Variants in DYNC2H1 observed in about 807,000 individuals in gnomAD.
DYNC2H1 encodes cytoplasmic dynein 2 heavy chain 1.
DYNC2H1 carries 410 observed loss-of-function variants against 570.0 expected under a neutral mutation model. That is an observed-to-expected ratio of 0.72 (90% CI 0.66 to 0.78). The LOEUF (loss-of-function observed/expected upper bound fraction) is 0.78. Among genes scored for constraint, DYNC2H1 ranks in the 30% least tolerant of loss-of-function variants. The pLI, the probability that DYNC2H1 is intolerant of heterozygous loss-of-function variation, is 0.00. For synonymous variants in DYNC2H1, 1,688 were observed against 1,677.6 expected, an observed-to-expected ratio of 1.01 and a Z score of -0.15; for missense variants, 4,865 against 5,046.4, an observed-to-expected ratio of 0.96 and a Z score of 1.09.
intron 83 of DYNC2H1, among the ~76,000 whole-genome samples, chr11:103,385,955 G>C (rs140287838): frequency 1.6e-3 from 239 of 152,254 alleles, no homozygotes; most frequent in Middle Eastern, 6.8e-3. Flanking sequence ...CAAGAAGGTA[G>C]GGGCAACACA....
chr11:103,460,017 A>G (rs949570735), intron 87 of DYNC2H1, among the ~76,000 whole-genome samples: 1 of 150,352 alleles, frequency 6.7e-6, no homozygotes, highest in African/African-American at 2.4e-5. Flanking sequence ...CTTTCATTTA[A>G]TTTTGTCGTT....
chr11:103,367,922 G>A (rs887512532), intron 83 of DYNC2H1, among the ~76,000 whole-genome samples: 9 of 152,030 alleles, frequency 5.9e-5, no homozygotes, highest in African/African-American at 2.2e-4. Flanking sequence ...AGGTTCCTCC[G>A]TGTTGTCACA....
At chr11:103,292,936 G>A (rs1269413609) in intron 75 of DYNC2H1, among the ~76,000 whole-genome samples, 2 of 152,116 alleles carry the variant, frequency 1.3e-5, no homozygotes, top group African/African-American at 2.4e-5. Context: ...TCTTTATAGC[G>A]ACACAGGAAT....
rs1865062791 is a variant in DYNC2H1 at position 103,256,510 on chromosome 11, T to C, written c.10461+270T>C. Among the ~76,000 whole-genome samples, 2 of 152,214 alleles carry C rather than the reference T, an allele frequency of 1.3e-5. No individual in the cohort carries two copies. The highest frequency in any genetic ancestry group is 1.3e-4 in the Admixed American group (2 of 15,276). On this transcript the variant is annotated intron_variant, in intron 68 of 88. Transcript: ENST00000375735. This position sits in a 1 kb window ranked among gnomAD's most constrained non-coding sequence, Gnocchi z 4.0. ...GTTATCTAAGGTAGAGCTGCAGTTT[T>C]GTACTAAAATTGGAAATGAGTATAT...
At chr11:103,420,025 G>A (rs1385517161) in intron 84 of DYNC2H1, among the ~76,000 whole-genome samples, 1 of 151,920 alleles carries the variant, frequency 6.6e-6, no homozygotes, top group Non-Finnish European at 1.5e-5. Context: ...CCAAGCAGAG[G>A]AAAGAATCTC....
intron 13 of DYNC2H1, among the ~76,000 whole-genome samples, chr11:103,131,881 G>C (rs1404909352): frequency 6.6e-6 from 1 of 152,084 alleles, no homozygotes; most frequent in Non-Finnish European, 1.5e-5. Flanking sequence ...TTAGTTTTCA[G>C]AAGTTTAATT....
rs551485317 is a variant in DYNC2H1 at position 103,353,867 on chromosome 11, C to T, written c.12040-4376C>T. 3.3e-5 allele frequency among the ~76,000 whole-genome samples: 5 copies of T among 151,938 alleles called. No individual in the cohort carries two copies. The South Asian group carries it at 8.3e-4, about 25-fold the overall frequency. On this transcript the variant is annotated intron_variant, in intron 82 of 88. Transcript: ENST00000375735. ...CTGAAATTATTGATTTATTTGGATT[C>T]ATTAATATCATTTTTTAAAAATCTC...
chr11:103,155,451 G>A lies in DYNC2H1; in HGVS notation c.3694G>A (p.Asp1232Asn), dbSNP rs768028598. 1.2e-6 allele frequency: 2 copies of A among 1,612,252 alleles called. No individual in the cohort carries two copies. Among genetic ancestry groups the A allele is most frequent in the Non-Finnish European group, 1.7e-6 (2 of 1,178,994 alleles). Reference sequence around the variant, plus strand: ...TAGTCTAGAGAAACTACTGTTTGGTGATTTGCTCAGAGTAGCTGATACAAT... The same window carrying A: ...TAGTCTAGAGAAACTACTGTTTGGTAATTTGCTCAGAGTAGCTGATACAAT... Reference protein sequence around the residue: ...GTSLEKLLFGDLLRVADTIVA... With the variant: ...GTSLEKLLFGNLLRVADTIVA... Residue 1232 changes from aspartate to asparagine, a missense_variant, in exon 25 of 89, where the codon GAT becomes AAT. Asp to Asn is a conservative substitution (Grantham distance 23). Around this residue, in one of 5 missense-constraint regions of DYNC2H1, gnomAD observed 1,936 missense variants for 1,962.1 expected, o/e 0.99. Coordinates refer to ENST00000375735, the MANE Select transcript of DYNC2H1 (RefSeq NM_001377.3).
rs778106079 is a variant in DYNC2H1 at position 103,358,407 on chromosome 11, C to T, written c.12156+48C>T. The T allele has an allele frequency of 1.4e-5, 18 of 1,266,840 alleles. No individual in the cohort carries two copies. In the East Asian group the frequency reaches 1.5e-4, roughly 11 times the overall value. The allele number at this position is 1,266,840 out of a possible 1,614,324, so 78.5% of individuals were successfully genotyped here. A position where few individuals can be genotyped will look rare whatever the true frequency, so the allele number is the denominator to read the frequency against. On this transcript the variant is annotated intron_variant, in intron 83 of 88. Coordinates refer to ENST00000375735, the MANE Select transcript of DYNC2H1 (RefSeq NM_001377.3). ...GATTCTTTTGCTTTTTCTCCCGCATCGTAACCATGTGCTCCCCATTTCTGC... is the reference window on the plus strand; with the variant it reads ...GATTCTTTTGCTTTTTCTCCCGCATTGTAACCATGTGCTCCCCATTTCTGC...
chr11:103,116,267 A>G (rs1346147970), intron 4 of DYNC2H1, among the ~76,000 whole-genome samples: 1 of 152,188 alleles, frequency 6.6e-6, no homozygotes, highest in Non-Finnish European at 1.5e-5. Flanking sequence ...TGTGGAGTTG[A>G]GATAACCTTT....
chr11:103,146,419 A>G (rs1860242751), intron 18 of DYNC2H1, among the ~76,000 whole-genome samples: 2 of 152,304 alleles, frequency 1.3e-5, no homozygotes, highest in East Asian at 1.9e-4. Context: ...GTTGGGGTAC[A>G]ATGGAAATAA....
At chr11:103,387,145 C>T (rs1201702992) in intron 83 of DYNC2H1, among the ~76,000 whole-genome samples, 1 of 152,166 alleles carries the variant, frequency 6.6e-6, no homozygotes, top group Non-Finnish European at 1.5e-5. Flanking sequence ...TATTTCTCCA[C>T]ATCCTCTCCA....
intron 34 of DYNC2H1, 38 bp from the exon 35 acceptor site, chr11:103,173,044 T>G (rs1286107008): frequency 4.0e-5 from 42 of 1,041,088 alleles, no homozygotes; most frequent in Non-Finnish European, 5.1e-5. Flanking sequence ...TAACTTAATA[T>G]TTAATATTTA....
intron 82 of DYNC2H1, among the ~76,000 whole-genome samples, chr11:103,338,591 T>C (rs1939280209): frequency 6.6e-6 from 1 of 152,230 alleles, no homozygotes; most frequent in Non-Finnish European, 1.5e-5. Flanking sequence ...TTCTGCCTGA[T>C]CAGTTCTGCT....
chr11:103,343,141 T>C (rs1939555697), intron 82 of DYNC2H1, among the ~76,000 whole-genome samples: 2 of 152,142 alleles, frequency 1.3e-5, no homozygotes, highest in Admixed American at 1.3e-4. Flanking sequence ...TTGCTGTTCT[T>C]CCGGGCTGAG....
Position 103,117,863 on chromosome 11 carries a change from G to A in DYNC2H1, c.999G>A (p.Glu333=), listed in dbSNP as rs1565312551. Reference sequence around the variant, plus strand: ...ACAAACTTGGCAAACGCCTTGAAGAGGTATCAATTTGATTATCTAGATCTT... The same window carrying A: ...ACAAACTTGGCAAACGCCTTGAAGAAGTATCAATTTGATTATCTAGATCTT... ...TLDKLGKRLE[E]VLAIRTIHEK... The change falls in exon 6 of 89, where the codon GAG becomes GAA. Residue 333 remains glutamate, a splice_region_variant and synonymous_variant. Transcript: ENST00000375735. The A allele has an allele frequency of 6.2e-7, 1 of 1,606,094 alleles. No homozygotes were observed. The highest frequency in any genetic ancestry group is 1.1e-5 in the South Asian group (1 of 89,990).
intron 73 of DYNC2H1, among the ~76,000 whole-genome samples, chr11:103,284,575 TA>T (rs886981931): frequency 6.6e-6 from 1 of 152,208 alleles, no homozygotes; most frequent in Non-Finnish European, 1.5e-5. Flanking sequence ...CCTTGTATAC[TA>T]AATGTCAATA....
At chr11:103,427,909 C>A (rs1446732650) in intron 84 of DYNC2H1, among the ~76,000 whole-genome samples, 1 of 151,634 alleles carries the variant, frequency 6.6e-6, no homozygotes, top group Admixed American at 6.6e-5. Context: ...TAGAATTTAT[C>A]ATTCTCCACT....
rs1007102162 is a variant in DYNC2H1 at position 103,166,067 on chromosome 11, C to T, written c.4762+19C>T. 2.0e-6 allele frequency: 3 copies of T among 1,475,698 alleles called. No homozygotes were observed. The highest frequency in any genetic ancestry group is 2.8e-5 in the African/African-American group (2 of 70,262). 91.4% of individuals were successfully genotyped at this position (1,475,698 alleles called of 1,614,324 possible). A position where few individuals can be genotyped will look rare whatever the true frequency, so the allele number is the denominator to read the frequency against. The stretch of plus-strand genomic sequence containing the variant: ...AATACTGGTATGGAAAAGACATTCC[C>T]TTTTCTGCCTGGTTTTGGGTTATTT... On this transcript the variant is annotated intron_variant, in intron 31 of 88. Coordinates refer to ENST00000375735, the MANE Select transcript of DYNC2H1 (RefSeq NM_001377.3).
Sources: allele counts gnomAD v4.1 joint callset (sites outside exome capture counted in the v4.1 genomes callset), GRCh38; gene constraint gnomAD v4.1.1; regional missense constraint gnomAD v4.1.1; non-coding constraint Gnocchi (gnomAD v3.1); transcripts MANE v1.5; gene names NCBI Gene and HGNC (gene_info 2026-07-23, HGNC 2026-07-21).